The following PATJ variants were observed in gnomAD, a reference collection of about 807,000 sequenced individuals.
PATJ encodes the protein PATJ crumbs cell polarity complex component, also known as inaD-like protein.
Under a neutral mutation model 224.9 loss-of-function variants are expected in PATJ, and 190 were observed. That is an observed-to-expected ratio of 0.84 (90% confidence interval 0.75 to 0.95). PATJ has a LOEUF of 0.95. Among genes scored for constraint, PATJ ranks in the 40% least tolerant of loss-of-function variants. The probability of loss-of-function intolerance (pLI) is 0.00; values close to 1 mark genes in which losing one functional copy is unlikely to be tolerated. For synonymous variants in PATJ, 769 were observed against 820.3 expected, an observed-to-expected ratio of 0.94 and a Z score of 1.07; for missense variants, 2,121 against 2,270.3, an observed-to-expected ratio of 0.93 and a Z score of 1.34.
In PATJ at chr1:61,990,184, A is replaced by G. The variant is rs1024762077; in HGVS notation, c.3687A>G (p.Arg1229=). 1 of 1,602,760 alleles carries G rather than the reference A, an allele frequency of 6.2e-7. No individual in the cohort carries two copies. Among genetic ancestry groups the G allele is most frequent in the East Asian group, 2.2e-5 (1 of 44,712 alleles). The stretch of plus-strand genomic sequence containing the variant: ...TTTTAATAGAAAAAATCAGACAAAG[A>G]TATGCAGATCTGCCTGGAGAACTGC... ...DAFTDQKIRQ[R]YADLPGELHI... Residue 1229 remains arginine (R), a synonymous_variant, in exon 28 of 44, where the codon AGA becomes AGG. Coordinates refer to ENST00000642238, the MANE Select transcript of PATJ (RefSeq NM_001350145.3).
intron 1 of PATJ, among the ~76,000 whole-genome samples, chr1:61,753,923 T>C (rs1308920740): frequency 6.6e-6 from 1 of 151,892 alleles, no homozygotes; most frequent in African/African-American, 2.4e-5. Context: ...AATTTCTATC[T>C]CTCTTCAAAT....
intron 16 of PATJ, among the ~76,000 whole-genome samples, chr1:61,832,113 G>A (rs921537125): frequency 7.2e-5 from 11 of 151,962 alleles, no homozygotes; most frequent in African/African-American, 2.7e-4. Context: ...TCATAAGTGG[G>A]AGCTAAACAT....
chr1:61,861,234 T>C (rs1664479233), intron 18 of PATJ, among the ~76,000 whole-genome samples: 1 of 147,122 alleles, frequency 6.8e-6, no homozygotes, highest in Non-Finnish European at 1.5e-5. Flanking sequence ...TTTGTCTTAA[T>C]GGAAAGATGA....
chr1:61,801,553 T>A, intron 11 of PATJ, 70 bp from the exon 12 acceptor site: 1 of 908,740 alleles, frequency 1.1e-6, no homozygotes, highest in Non-Finnish European at 1.6e-6. Flanking sequence ...CACTTAAATA[T>A]AGTCCTCAAC....
chr1:62,141,370 A>G (rs574399046), intron 41 of PATJ, among the ~76,000 whole-genome samples: 19 of 152,186 alleles, frequency 1.2e-4, no homozygotes, highest in African/African-American at 4.3e-4. Context: ...CAGCACCACC[A>G]CGGCTGAATG....
intron 27 of PATJ, among the ~76,000 whole-genome samples, chr1:61,989,246 T>C (rs1203144837): frequency 6.6e-6 from 1 of 152,214 alleles, no homozygotes; most frequent in Non-Finnish European, 1.5e-5. Flanking sequence ...CTATAAACTA[T>C]GAGCCGCTAA....
intron 14 of PATJ, among the ~76,000 whole-genome samples, chr1:61,812,445 T>G (rs1038976315): frequency 7.4e-6 from 1 of 134,600 alleles, no homozygotes; most frequent in South Asian, 2.4e-4. Context: ...TGTGTGTGTG[T>G]GTGTGTGTGT....
chr1:62,134,900 C>G (rs1666663066), intron 41 of PATJ, among the ~76,000 whole-genome samples: 1 of 151,978 alleles, frequency 6.6e-6, no homozygotes, highest in South Asian at 2.1e-4. Context: ...CCAATGTAGT[C>G]CAGAAAAATT....
At chr1:62,111,919 C>CA (rs1479850165) in intron 34 of PATJ, among the ~76,000 whole-genome samples, 1 of 151,768 alleles carries the variant, frequency 6.6e-6, no homozygotes, top group African/African-American at 2.4e-5. Context: ...CTCGGCCTCC[C>CA]AAAGTGCTGG....
At chr1:62,132,480 G>A (rs183633085) in intron 41 of PATJ, among the ~76,000 whole-genome samples, 65 of 151,330 alleles carry the variant, frequency 4.3e-4, no homozygotes, top group Non-Finnish European at 7.7e-4. Context: ...CCTGGGCAAC[G>A]TGAATATGGA....
At chr1:61,912,588 G>A (rs1672820199) in intron 25 of PATJ, among the ~76,000 whole-genome samples, 2 of 150,110 alleles carry the variant, frequency 1.3e-5, no homozygotes. Context: ...GTGACAGAGT[G>A]AGACTCTGTC....
intron 34 of PATJ, among the ~76,000 whole-genome samples, chr1:62,112,459 T>C (rs1012645130): frequency 1.3e-5 from 2 of 152,162 alleles, no homozygotes; most frequent in Admixed American, 1.3e-4. Flanking sequence ...TGAGCCGGGA[T>C]CGCACCACTA....
At chr1:61,977,232 C>T (rs1362020051) in intron 27 of PATJ, among the ~76,000 whole-genome samples, 1 of 152,028 alleles carries the variant, frequency 6.6e-6, no homozygotes, top group Non-Finnish European at 1.5e-5. Flanking sequence ...GGATTACAGG[C>T]GTGTGCCACC....
At chr1:61,943,289 C>A (rs995923741) in intron 27 of PATJ, among the ~76,000 whole-genome samples, 1 of 152,130 alleles carries the variant, frequency 6.6e-6, no homozygotes, top group African/African-American at 2.4e-5. Context: ...TGGAGCAGGG[C>A]GGGGCATCGC....
chr1:61,811,532 A>T (rs1449186576), intron 14 of PATJ, among the ~76,000 whole-genome samples: 1 of 151,588 alleles, frequency 6.6e-6, no homozygotes, highest in African/African-American at 2.4e-5. Flanking sequence ...CCAGGCTCTT[A>T]TTATTATTTT....
At chr1:62,111,139 T>G (rs1663761228) in intron 34 of PATJ, among the ~76,000 whole-genome samples, 1 of 152,226 alleles carries the variant, frequency 6.6e-6, no homozygotes, top group African/African-American at 2.4e-5. Flanking sequence ...TGACAATGCT[T>G]TTAATTAAAA....
At chr1:62,159,582 CAG>C (rs1387905576) in intron 43 of PATJ, among the ~76,000 whole-genome samples, 24 of 139,802 alleles carry the variant, frequency 1.7e-4, no homozygotes, top group Non-Finnish European at 2.9e-4. Context: ...TTTCCTGAGA[CAG>C]AGCTCACTCT....
At chr1:61,787,671 A>G in intron 7 of PATJ, 83 bp from the exon 8 acceptor site, 4 of 1,036,002 alleles carry the variant, frequency 3.9e-6, no homozygotes, top group Non-Finnish European at 5.8e-6. Flanking sequence ...CCATTTTGCC[A>G]GAGCTGAAAG....
intron 15 of PATJ, 72 bp downstream of exon 15, chr1:61,823,151 ATCCCCTGAGTTATAGTG>A: frequency 5.3e-6 from 8 of 1,496,250 alleles, no homozygotes; most frequent in East Asian, 2.3e-5. Flanking sequence ...CTCATCACAA[ATCCCCTGAGTTATAGTG>A]TCACCAATGC....
Sources: allele counts gnomAD v4.1 joint callset (sites outside exome capture counted in the v4.1 genomes callset), GRCh38; gene constraint gnomAD v4.1.1; transcripts MANE v1.5; gene names NCBI Gene and HGNC (gene_info 2026-07-23, HGNC 2026-07-21).